Variants in MSL2 observed in about 807,000 individuals in gnomAD.
MSL2 encodes the protein E3 ubiquitin-protein ligase MSL2.
Under a neutral mutation model 35.8 loss-of-function variants are expected in MSL2, and 2 were observed. That is an observed-to-expected ratio of 0.06 (90% CI 0.02 to 0.18). The LOEUF (loss-of-function observed/expected upper bound fraction) is 0.18, where lower values mean the gene tolerates loss of function less well. Among genes scored for constraint, MSL2 ranks in the 10% least tolerant of loss-of-function variants. MSL2 has a pLI of 1.00. For synonymous variants in MSL2, 296 were observed against 255.7 expected (o/e 1.16, Z -1.50); for missense variants, 523 against 706.7 (o/e 0.74, Z 2.95).
In MSL2 at chr3:136,154,033, A is replaced by T. The variant is rs1414620139; in HGVS notation, c.143-1295T>A. Among the ~76,000 whole-genome samples, 6 of 151,276 alleles carry T rather than the reference A, an allele frequency of 4.0e-5. No individual in the cohort carries two copies. The South Asian group carries it at 1.3e-3, about 32-fold the overall frequency. ...AGGAGGCGGAGGTTGCAGCGAGCTG[A>T]GATTGTGTCACTGCACTCCAGCCTG... is the stretch of plus-strand genomic sequence containing the variant. On this transcript the variant is annotated intron_variant, in intron 1 of 1. Transcript: ENST00000309993.
intron 1 of MSL2, among the ~76,000 whole-genome samples, chr3:136,154,245 T>C (rs1310067614): frequency 6.6e-6 from 1 of 152,142 alleles, no homozygotes; most frequent in Non-Finnish European, 1.5e-5. Context: ...AACTAGGGTA[T>C]AATACTGGGC....
chr3:136,195,143 G>T lies in MSL2; in HGVS notation c.-30C>A, dbSNP rs746745785. ...GACACTTCGACACCAATGGCTCCCG[G>T]TTGAAAAGAAATTCCGGATCCAACT... is the stretch of plus-strand genomic sequence containing the variant. On this transcript the variant is annotated 5_prime_UTR_variant, in exon 1 of 2. Transcript: ENST00000309993. The T allele has an allele frequency of 6.4e-7, 1 of 1,568,368 alleles. No individual in the cohort carries two copies. The highest frequency in any genetic ancestry group is 8.6e-7 in the Non-Finnish European group (1 of 1,159,310).
chr3:136,177,096 C>T (rs905237680), intron 1 of MSL2, among the ~76,000 whole-genome samples: 1 of 152,172 alleles, frequency 6.6e-6, no homozygotes, highest in Non-Finnish European at 1.5e-5. Context: ...CCTCCACCCA[C>T]TTTATTTTAG....
chr3:136,177,612 G>A (rs1316899633), intron 1 of MSL2, among the ~76,000 whole-genome samples: 1 of 148,674 alleles, frequency 6.7e-6, no homozygotes, highest in East Asian at 2.0e-4. Context: ...CCAGGAGGCA[G>A]AGCTCGCAGT....
At chr3:136,177,673 C>T (rs1940215700) in intron 1 of MSL2, among the ~76,000 whole-genome samples, 3 of 133,498 alleles carry the variant, frequency 2.2e-5, no homozygotes, top group Non-Finnish European at 4.7e-5. Flanking sequence ...AGCGAGACTC[C>T]GTCTCATAAA....
At chr3:136,175,373 CT>C (rs1279801439) in intron 1 of MSL2, among the ~76,000 whole-genome samples, 1 of 151,318 alleles carries the variant, frequency 6.6e-6, no homozygotes, top group Non-Finnish European at 1.5e-5. Context: ...GGAGAATACA[CT>C]TCTCTCACTG....
intron 1 of MSL2, among the ~76,000 whole-genome samples, chr3:136,165,822 A>T (rs1202113296): frequency 2.0e-5 from 3 of 152,126 alleles, no homozygotes; most frequent in Non-Finnish European, 4.4e-5. Flanking sequence ...ATTTGATAGC[A>T]TAACAGGGTG....
In MSL2 at chr3:136,174,882, T is replaced by C. The variant is rs115904529; in HGVS notation, c.142+20090A>G. On this transcript the variant is annotated intron_variant, in intron 1 of 1. Coordinates refer to ENST00000309993, the MANE Select transcript of MSL2 (RefSeq NM_018133.4). The stretch of plus-strand genomic sequence containing the variant: ...ATGCATAATGTATTCATGTGTAATA[T>C]ATATGTTTAAAATAAGTAAATACAT... Among the ~76,000 whole-genome samples the C allele has an allele frequency of 6.2e-3, 951 of 152,352 alleles. 13 individuals carry two copies. Among genetic ancestry groups the C allele is most frequent in the African/African-American group, 0.022 (904 of 41,576 alleles).
chr3:136,150,796 T>C lies in MSL2; in HGVS notation c.*351A>G, dbSNP rs1939337367. 3 of 212,908 alleles carry C rather than the reference T, an allele frequency of 1.4e-5. No individual in the cohort carries two copies. The South Asian group carries it at 2.9e-4, about 20-fold the overall frequency. The allele number at this position is 212,908 out of a possible 1,614,324, so 13.2% of individuals were successfully genotyped here. On this transcript the variant is annotated 3_prime_UTR_variant, in exon 2 of 2. Coordinates refer to ENST00000309993, the MANE Select transcript of MSL2 (RefSeq NM_018133.4). ...GCACAATCTTTATGGACTGACTAGA[T>C]ACCACTTCCTTACATTTAATCATAA...
intron 1 of MSL2, among the ~76,000 whole-genome samples, chr3:136,158,771 T>C (rs143380267): frequency 6.7e-4 from 102 of 152,318 alleles, no homozygotes; most frequent in Non-Finnish European, 1.2e-3. Context: ...AGCAAGGTCA[T>C]AGCACAAACA....
intron 1 of MSL2, among the ~76,000 whole-genome samples, chr3:136,161,398 C>T (rs1408678199): frequency 6.6e-6 from 1 of 152,166 alleles, no homozygotes; most frequent in African/African-American, 2.4e-5. Context: ...AACATATCCA[C>T]ACAGAAAAAC....
intron 1 of MSL2, among the ~76,000 whole-genome samples, chr3:136,177,799 A>G (rs1406068918): frequency 1.3e-5 from 2 of 152,112 alleles, no homozygotes; most frequent in African/African-American, 4.8e-5. Flanking sequence ...TATATTTGAG[A>G]GACCAGTGAT....
Position 136,195,682 on chromosome 3 carries a change from G to A in MSL2, c.-569C>T, listed in dbSNP as rs1297370282. 5 of 985,412 alleles carry A rather than the reference G, an allele frequency of 5.1e-6. No individual in the cohort carries two copies. Among genetic ancestry groups the A allele is most frequent in the African/African-American group, 3.5e-5 (2 of 57,238 alleles). 61.0% of individuals were successfully genotyped at this position (985,412 alleles called of 1,614,324 possible). On this transcript the variant is annotated 5_prime_UTR_variant, in exon 1 of 2. Coordinates refer to ENST00000309993, the MANE Select transcript of MSL2 (RefSeq NM_018133.4). ...GCAAGACGCCGCGGCGGCGACGAAG[G>A]TTGATGTTGCGGCTGGCGGACGCCG... is the stretch of plus-strand genomic sequence containing the variant.
chr3:136,188,521 G>GGAAGGACT (rs1482572965), intron 1 of MSL2, among the ~76,000 whole-genome samples: 1 of 151,932 alleles, frequency 6.6e-6, no homozygotes, highest in Non-Finnish European at 1.5e-5. Context: ...AGGCCAAAGT[G>GGAAGGACT]GAAGGACTGC....
Position 136,151,915 on chromosome 3 carries a change from T to G in MSL2, c.966A>C (p.Ala322=). 1 of 1,614,182 alleles carries G rather than the reference T, an allele frequency of 6.2e-7. No individual in the cohort carries two copies. Among genetic ancestry groups the G allele is most frequent in the Non-Finnish European group, 8.5e-7 (1 of 1,180,048 alleles). ...CTGCTGTACATGATAACCCATGAAG[T>G]GCAGGACTGGTGGACATAAAAACAT... ...SHNVFMSTSP[A]LHGLSCTAAT... The change falls in exon 2 of 2, where the codon GCA becomes GCC. Residue 322 remains alanine (A), a synonymous_variant. Coordinates refer to ENST00000309993, the MANE Select transcript of MSL2 (RefSeq NM_018133.4). The surrounding 1 kb of genome is among the most constrained non-coding windows in gnomAD (Gnocchi z 5.2).
intron 1 of MSL2, among the ~76,000 whole-genome samples, chr3:136,178,356 T>C (rs1264542048): frequency 6.6e-6 from 1 of 152,178 alleles, no homozygotes; most frequent in Non-Finnish European, 1.5e-5. Flanking sequence ...TGAACAAACA[T>C]TAATCAATAA....
In MSL2 at chr3:136,180,791, AGGGAGGGAGGGAG is replaced by A. The variant is rs1559969207; in HGVS notation, c.142+14168_142+14180del. Among the ~76,000 whole-genome samples, 380 of 68,298 alleles carry A rather than the reference AGGGAGGGAGGGAG, an allele frequency of 5.6e-3. 14 individuals are homozygous for A. Among genetic ancestry groups the A allele is most frequent in the South Asian group, 0.011 (14 of 1,254 alleles). The allele number at this position is 68,298 out of a possible 152,430, so 44.8% of individuals were successfully genotyped here. A position where few individuals can be genotyped will look rare whatever the true frequency, so the allele number is the denominator to read the frequency against. On this transcript the variant is annotated intron_variant, in intron 1 of 1. Coordinates refer to ENST00000309993, the MANE Select transcript of MSL2 (RefSeq NM_018133.4). Reference sequence around the variant, plus strand: ...GAGGGAGGGAGGGAGGGAGGGAGGGAGGGAGGGAGGGAGGGAGGGAAGGAGGGAAGGAAGGAAG... The same window carrying A: ...GAGGGAGGGAGGGAGGGAGGGAGGGAGGAGGGAAGGAGGGAAGGAAGGAAG...
intron 1 of MSL2, among the ~76,000 whole-genome samples, chr3:136,155,100 C>T (rs1297082774): frequency 6.6e-6 from 1 of 151,564 alleles, no homozygotes; most frequent in East Asian, 1.9e-4. Context: ...CCCAGCTACT[C>T]GGGGGAGCTG....
chr3:136,186,288 T>A (rs562268538), intron 1 of MSL2, among the ~76,000 whole-genome samples: 1 of 152,318 alleles, frequency 6.6e-6, no homozygotes, highest in Admixed American at 6.5e-5. Context: ...GGTTCAAGCA[T>A]CTCGCTTGAA....
Sources: allele counts gnomAD v4.1 joint callset (sites outside exome capture counted in the v4.1 genomes callset), GRCh38; gene constraint gnomAD v4.1.1; non-coding constraint Gnocchi (gnomAD v3.1); transcripts MANE v1.5; gene names NCBI Gene and HGNC (gene_info 2026-07-23, HGNC 2026-07-21).